The following GULP1 variants were observed in gnomAD, a reference collection of about 807,000 sequenced individuals.
The protein encoded by GULP1 is GULP PTB domain containing engulfment adaptor 1.
Under a neutral mutation model 40.9 loss-of-function variants are expected in GULP1, and 19 were observed. That is an observed-to-expected ratio of 0.46 (90% CI 0.32 to 0.68). The LOEUF (loss-of-function observed/expected upper bound fraction) is 0.68. Among genes scored for constraint, GULP1 ranks in the 30% least tolerant of loss-of-function variants. The pLI, the probability that GULP1 is intolerant of heterozygous loss-of-function variation, is 0.03. For missense variants in GULP1, 312 were observed against 362.2 expected, an observed-to-expected ratio of 0.86 and a Z score of 1.12; for synonymous variants, 119 against 117.6, an observed-to-expected ratio of 1.01 and a Z score of -0.08.
At chr2:188,583,444 T>G (rs1399015623) in intron 9 of GULP1, among the ~76,000 whole-genome samples, 4 of 152,196 alleles carry the variant, frequency 2.6e-5, no homozygotes, top group Non-Finnish European at 4.4e-5. Context: ...TTCTCTTTTA[T>G]CCCTGATCAA....
intron 6 of GULP1, among the ~76,000 whole-genome samples, chr2:188,537,847 C>T (rs1331306373): frequency 6.6e-6 from 1 of 151,994 alleles, no homozygotes. Flanking sequence ...TTTTTTATTA[C>T]TGATTCAATT....
At chr2:188,395,678 C>A (rs1050363189) in intron 2 of GULP1, among the ~76,000 whole-genome samples, 19 of 152,150 alleles carry the variant, frequency 1.2e-4, no homozygotes, top group African/African-American at 4.1e-4. Context: ...GTGCACTTCT[C>A]ATTCTGCTAG....
chr2:188,302,557 T>A (rs1181646196), intron 1 of GULP1, among the ~76,000 whole-genome samples: 1 of 152,102 alleles, frequency 6.6e-6, no homozygotes, highest in African/African-American at 2.4e-5. Context: ...AGTAAAATTT[T>A]AAAAAATGGT....
At chr2:188,303,100 T>C (rs2036438263) in intron 1 of GULP1, among the ~76,000 whole-genome samples, 1 of 152,174 alleles carries the variant, frequency 6.6e-6, no homozygotes, top group Non-Finnish European at 1.5e-5. Context: ...AAAACTCTAG[T>C]TCACTGGAAC....
chr2:188,489,142 A>T (rs2062122132), intron 4 of GULP1, among the ~76,000 whole-genome samples: 1 of 152,074 alleles, frequency 6.6e-6, no homozygotes, highest in Admixed American at 6.6e-5. Context: ...GACATCTATT[A>T]GTGTGTCAAA....
chr2:188,396,556 T>G (rs1391850446), intron 2 of GULP1, among the ~76,000 whole-genome samples: 3 of 152,180 alleles, frequency 2.0e-5, no homozygotes, highest in African/African-American at 7.2e-5. Context: ...TAGTTTGCAT[T>G]CAGAACTTAA....
intron 7 of GULP1, among the ~76,000 whole-genome samples, chr2:188,559,169 A>G (rs1393916250): frequency 2.0e-5 from 3 of 152,114 alleles, no homozygotes. Context: ...CCTAGGAGAA[A>G]ATGGTTTTCT....
chr2:188,568,599 T>C (rs1698336677), intron 7 of GULP1, among the ~76,000 whole-genome samples: 3 of 152,164 alleles, frequency 2.0e-5, no homozygotes, highest in Admixed American at 6.6e-5. Flanking sequence ...TCGCTTAAAA[T>C]TGGGAGCTCT....
chr2:188,430,567 T>C (rs544833428), intron 2 of GULP1, among the ~76,000 whole-genome samples: 1 of 152,320 alleles, frequency 6.6e-6, no homozygotes, highest in African/African-American at 2.4e-5. Context: ...TTTAAACATA[T>C]GTTTGGGCTC....
chr2:188,382,954 T>G (rs1260533102), intron 1 of GULP1, among the ~76,000 whole-genome samples: 1 of 152,170 alleles, frequency 6.6e-6, no homozygotes, highest in Admixed American at 6.5e-5. Context: ...GTCAAAAATA[T>G]AGATATGGCA....
intron 11 of GULP1, 147 bp downstream of exon 11, chr2:188,588,096 A>G (rs1484443206): frequency 1.5e-6 from 1 of 682,278 alleles, no homozygotes; most frequent in South Asian, 1.6e-5. Context: ...ATAATAATGT[A>G]CAGTTAGTCC....
intron 6 of GULP1, among the ~76,000 whole-genome samples, chr2:188,537,110 A>G (rs1002835170): frequency 6.6e-6 from 1 of 152,046 alleles, no homozygotes; most frequent in African/African-American, 2.4e-5. Flanking sequence ...TCTTCTAGGT[A>G]GATAATCATA....
chr2:188,297,438 T>C, intron 1 of GULP1: 1 of 458,542 alleles, frequency 2.2e-6, no homozygotes, highest in Non-Finnish European at 4.5e-6. Context: ...GTTTTCCTGG[T>C]ATGGTACAGC....
intron 4 of GULP1, among the ~76,000 whole-genome samples, chr2:188,519,789 A>G (rs2065550079): frequency 6.6e-6 from 1 of 152,140 alleles, no homozygotes; most frequent in African/African-American, 2.4e-5. Context: ...TAATAAGATT[A>G]TAGCTTCCAA....
Position 188,454,571 on chromosome 2 carries a change from C to T in GULP1, c.-44-23088C>T, listed in dbSNP as rs773888475. On this transcript the variant is annotated intron_variant, in intron 2 of 11. Coordinates refer to ENST00000409830, the MANE Select transcript of GULP1 (RefSeq NM_016315.4). The stretch of plus-strand genomic sequence containing the variant: ...AAGGTGGGGTTTCACCAGGGAACCA[C>T]CTCTATCTGCCTAGGCATTTGTCTG... Among the ~76,000 whole-genome samples, 28 of 152,150 alleles carry T rather than the reference C, an allele frequency of 1.8e-4. 1 individual carries two copies. Among genetic ancestry groups the T allele is most frequent in the Non-Finnish European group, 3.5e-4 (24 of 68,028 alleles).
At chr2:188,317,267 A>G (rs1003233330) in intron 1 of GULP1, among the ~76,000 whole-genome samples, 9 of 152,122 alleles carry the variant, frequency 5.9e-5, no homozygotes, top group Admixed American at 5.2e-4. Context: ...GTAGGTGAGG[A>G]CTTTAATCCT....
At chr2:188,591,696 T>G (rs1391729431) in intron 11 of GULP1, 2 of 151,504 alleles carry the variant, frequency 1.3e-5, no homozygotes, top group African/African-American at 4.8e-5. Flanking sequence ...CATAAGAAAA[T>G]TATATGGCAT....
chr2:188,378,286 A>G (rs952439738), intron 1 of GULP1, among the ~76,000 whole-genome samples: 2 of 151,854 alleles, frequency 1.3e-5, no homozygotes, highest in Non-Finnish European at 2.9e-5. Context: ...TAGAAAAAAA[A>G]AAAAAAAAGA....
intron 1 of GULP1, among the ~76,000 whole-genome samples, chr2:188,336,351 T>C (rs2042248279): frequency 6.6e-6 from 1 of 152,148 alleles, no homozygotes; most frequent in Non-Finnish European, 1.5e-5. Flanking sequence ...TCTACATGTT[T>C]GTGAAATGGG....
Sources: gnomAD v4.1 joint callset for allele counts (sites outside exome capture counted in the v4.1 genomes callset) on GRCh38, gnomAD v4.1.1 for gene constraint, MANE v1.5 for transcripts, NCBI Gene and HGNC (gene_info 2026-07-23, HGNC 2026-07-21) for gene names.